MRTFA: variants seen among roughly 807,000 people sequenced by gnomAD.
The protein encoded by MRTFA is myocardin-related transcription factor A.
In MRTFA, 20 loss-of-function variants were observed where a neutral mutation model predicts 83.5. The ratio of observed to expected loss-of-function variants is 0.24; its 90% CI spans 0.17 to 0.35. The LOEUF is 0.35. MRTFA is among the 10% of genes least tolerant of loss of function. The pLI is 1.00. For synonymous variants in MRTFA, 659 were observed against 541.2 expected (o/e 1.22, Z -3.02); for missense variants, 1,200 against 1,224.7 (o/e 0.98, Z 0.30).
intron 3 of MRTFA, among the ~76,000 whole-genome samples, chr22:40,540,958 TTACC>T (rs1167562882): frequency 2.6e-5 from 4 of 152,020 alleles, no homozygotes; most frequent in African/African-American, 9.7e-5. Flanking sequence ...AAAAAAATAA[TTACC>T]TACCCAGAAA....
At chr22:40,599,633 A>G (rs1366054423) in intron 1 of MRTFA, among the ~76,000 whole-genome samples, 1 of 152,152 alleles carries the variant, frequency 6.6e-6, no homozygotes, top group Non-Finnish European at 1.5e-5. Flanking sequence ...ACAGTGGCTC[A>G]CACCTGTAAT....
chr22:40,540,885 A>C (rs2055278715), intron 3 of MRTFA, among the ~76,000 whole-genome samples: 1 of 152,104 alleles, frequency 6.6e-6, no homozygotes, highest in Non-Finnish European at 1.5e-5. Flanking sequence ...ATGTGTGCCA[A>C]GTGGAATGAA....
At chr22:40,587,312 T>C (rs937908024) in intron 2 of MRTFA, 17 of 465,706 alleles carry the variant, frequency 3.7e-5, no homozygotes, top group Admixed American at 9.8e-5. Flanking sequence ...AATGTTCAGT[T>C]TGCTTACATT....
intron 3 of MRTFA, among the ~76,000 whole-genome samples, chr22:40,480,511 G>A (rs2054070492): frequency 6.6e-6 from 1 of 151,962 alleles, no homozygotes; most frequent in Non-Finnish European, 1.5e-5. Flanking sequence ...ACTAACTAGG[G>A]GAAAATCCAG....
chr22:40,629,637 G>A (rs371767465), intron 1 of MRTFA, among the ~76,000 whole-genome samples: 25 of 150,160 alleles, frequency 1.7e-4, no homozygotes, highest in Middle Eastern at 3.5e-3. Context: ...TTAGCTGGGC[G>A]TGGTGGTGGG....
At chr22:40,449,305 C>T (rs1419522808) in intron 4 of MRTFA, among the ~76,000 whole-genome samples, 1 of 148,312 alleles carries the variant, frequency 6.7e-6, no homozygotes, top group African/African-American at 2.5e-5. Context: ...AAGAAAAGAA[C>T]GGAAATTTGC....
chr22:40,539,389 G>C (rs1046483979), intron 3 of MRTFA, among the ~76,000 whole-genome samples: 1 of 144,036 alleles, frequency 6.9e-6, no homozygotes, highest in African/African-American at 2.6e-5. Context: ...GCCCAGGCTG[G>C]AGTGCAGTGG....
intron 1 of MRTFA, among the ~76,000 whole-genome samples, chr22:40,621,828 C>T (rs2056526445): frequency 1.3e-5 from 2 of 152,184 alleles, no homozygotes; most frequent in Non-Finnish European, 2.9e-5. Flanking sequence ...GTACCAGTAA[C>T]CCATTTATTC....
chr22:40,429,986 T>C (rs532580649), intron 6 of MRTFA, among the ~76,000 whole-genome samples: 1 of 152,144 alleles, frequency 6.6e-6, no homozygotes, highest in African/African-American at 2.4e-5. Context: ...CACACAATTA[T>C]AACCAGGCAG....
chr22:40,447,871 A>T (rs1045086049), intron 4 of MRTFA, among the ~76,000 whole-genome samples: 2 of 152,188 alleles, frequency 1.3e-5, no homozygotes, highest in Non-Finnish European at 2.9e-5. Context: ...CATATATTTC[A>T]TCAAGAGGTG....
chr22:40,459,074 C>CAA (rs748583788), intron 4 of MRTFA, among the ~76,000 whole-genome samples: 2 of 87,308 alleles, frequency 2.3e-5, no homozygotes, highest in African/African-American at 4.3e-5. Flanking sequence ...GACTTTGTCT[C>CAA]AAAAAAAAAA....
At chr22:40,607,955 A>G (rs987542937) in intron 1 of MRTFA, among the ~76,000 whole-genome samples, 2 of 152,228 alleles carry the variant, frequency 1.3e-5, no homozygotes, top group Non-Finnish European at 2.9e-5. Flanking sequence ...CATGGTAATA[A>G]TTCCTTCAGT....
intron 3 of MRTFA, among the ~76,000 whole-genome samples, chr22:40,509,293 T>C (rs1288582250): frequency 6.6e-6 from 1 of 152,258 alleles, no homozygotes; most frequent in Non-Finnish European, 1.5e-5. Context: ...AGATCATCCA[T>C]TCTAACTCTT....
intron 1 of MRTFA, among the ~76,000 whole-genome samples, chr22:40,608,077 T>A (rs1273159980): frequency 6.6e-6 from 1 of 152,158 alleles, no homozygotes; most frequent in Non-Finnish European, 1.5e-5. Flanking sequence ...CAGGCTGGAG[T>A]GCAGTGGCAC....
intron 2 of MRTFA, among the ~76,000 whole-genome samples, chr22:40,569,123 G>T (rs1199955004): frequency 6.6e-6 from 1 of 152,146 alleles, no homozygotes; most frequent in Non-Finnish European, 1.5e-5. Flanking sequence ...GGGTGCAATG[G>T]TACACACCAG....
At chr22:40,558,411 C>T (rs1051822052) in intron 2 of MRTFA, among the ~76,000 whole-genome samples, 1 of 151,466 alleles carries the variant, frequency 6.6e-6, no homozygotes, top group African/African-American at 2.4e-5. Flanking sequence ...CTCGCCAAAA[C>T]CATATATTCT....
chr22:40,414,281 T>G (rs2052629060), intron 14 of MRTFA, among the ~76,000 whole-genome samples: 4 of 152,102 alleles, frequency 2.6e-5, no homozygotes, highest in Admixed American at 2.6e-4. Context: ...AGGCAGAGGT[T>G]GCAGTGAGCC....
At chr22:40,501,969 G>A (rs1285617809) in intron 3 of MRTFA, among the ~76,000 whole-genome samples, 1 of 125,908 alleles carries the variant, frequency 7.9e-6, no homozygotes, top group Admixed American at 7.2e-5. Flanking sequence ...GGGGCGGCTG[G>A]CCGGGCGGGG....
At chr22:40,625,329 A>G (rs995714162) in intron 1 of MRTFA, among the ~76,000 whole-genome samples, 2 of 151,904 alleles carry the variant, frequency 1.3e-5, no homozygotes, top group Non-Finnish European at 2.9e-5. Flanking sequence ...AAAAAAATAA[A>G]AATAGGAGGG....
Sources: gnomAD v4.1 joint callset for allele counts (sites outside exome capture counted in the v4.1 genomes callset) on GRCh38, gnomAD v4.1.1 for gene constraint, MANE v1.5 for transcripts, NCBI Gene and HGNC (gene_info 2026-07-23, HGNC 2026-07-21) for gene names.